The following ADAMTS18 variants were observed in gnomAD, a reference collection of about 807,000 sequenced individuals.
ADAMTS18 encodes A disintegrin and metalloproteinase with thrombospondin motifs 18.
A neutral mutation model predicts 165.9 loss-of-function variants in ADAMTS18; 157 were observed. The observed-to-expected ratio is 0.95, with a 90% CI of 0.83 to 1.08. ADAMTS18 has a LOEUF of 1.08. ADAMTS18 is among the 50% of genes least tolerant of loss of function. The pLI is 0.00. For missense variants in ADAMTS18, 2,040 were observed against 1,534.0 expected, an observed-to-expected ratio of 1.33 and a Z score of -5.51; for synonymous variants, 782 against 578.2, an observed-to-expected ratio of 1.35 and a Z score of -5.06.
intron 21 of ADAMTS18, 111 bp from the exon 22 acceptor site, chr16:77,289,522 C>G (rs1196627036): frequency 2.3e-6 from 3 of 1,318,088 alleles, no homozygotes; most frequent in Non-Finnish European, 2.1e-6. Context: ...GCTGATGAAA[C>G]AGATTGGCTG....
intron 3 of ADAMTS18, among the ~76,000 whole-genome samples, chr16:77,412,654 C>T (rs748412173): frequency 3.9e-5 from 6 of 152,184 alleles, no homozygotes; most frequent in East Asian, 3.9e-4. Flanking sequence ...GAAGGTGAAA[C>T]GCACGTCTTA....
At chr16:77,394,048 C>T (rs79774084) in intron 3 of ADAMTS18, among the ~76,000 whole-genome samples, 2,012 of 152,258 alleles carry the variant, frequency 0.013, 43 homozygotes, top group African/African-American at 0.046. Flanking sequence ...TGATTGATGA[C>T]GATTTTATTT....
chr16:77,282,165 T>C lies in ADAMTS18; in HGVS notation c.*1791A>G. 1.3e-5 allele frequency: 2 copies of C among 152,306 alleles called. No individual in the cohort carries two copies. The highest frequency in any genetic ancestry group is 3.9e-4 in the East Asian group (2 of 5,188). 9.4% of individuals were successfully genotyped at this position (152,306 alleles called of 1,614,324 possible). ...AAATGGAATACTTTATTATAAAACT[T>C]ATAAAATAATTAAATATTACACATA... On this transcript the variant is annotated 3_prime_UTR_variant, in exon 23 of 23. Transcript: ENST00000282849.
chr16:77,292,432 G>C (rs1385518268), intron 20 of ADAMTS18, among the ~76,000 whole-genome samples: 2 of 152,044 alleles, frequency 1.3e-5, no homozygotes, highest in African/African-American at 4.8e-5. Flanking sequence ...CTGTGTAGAG[G>C]CTGCACCCTC....
chr16:77,431,939 T>C (rs912401840), intron 2 of ADAMTS18, among the ~76,000 whole-genome samples: 3 of 152,248 alleles, frequency 2.0e-5, no homozygotes, highest in Non-Finnish European at 4.4e-5. Flanking sequence ...GGGCCTTTTA[T>C]AATATTGGCC....
In ADAMTS18 at chr16:77,293,066, T is replaced by A. The variant is rs1286943263; in HGVS notation, c.3189+10A>T. Reference sequence around the variant, plus strand: ...AATCTCCTGACCCAGCAGTGACTTCTAATCCATACCTCGCTCCACGAAGAA... The same window carrying A: ...AATCTCCTGACCCAGCAGTGACTTCAAATCCATACCTCGCTCCACGAAGAA... On this transcript the variant is annotated intron_variant, in intron 20 of 22. Transcript: ENST00000282849. 1.2e-6 allele frequency: 2 copies of A among 1,614,032 alleles called. No individual in the cohort carries two copies. The highest frequency in any genetic ancestry group is 2.2e-5 in the South Asian group (2 of 91,086).
At chr16:77,369,062 A>G (rs979372222) in intron 3 of ADAMTS18, among the ~76,000 whole-genome samples, 5 of 152,226 alleles carry the variant, frequency 3.3e-5, no homozygotes, top group African/African-American at 1.2e-4. Flanking sequence ...TCTGCAGACT[A>G]GTAGCTTCAG....
intron 3 of ADAMTS18, among the ~76,000 whole-genome samples, chr16:77,383,174 C>G (rs1366481647): frequency 6.6e-6 from 1 of 152,152 alleles, no homozygotes; most frequent in Non-Finnish European, 1.5e-5. Flanking sequence ...GGTCTCCTAT[C>G]TCCTCTCCCT....
At chr16:77,316,213 T>A (rs1357164269) in intron 16 of ADAMTS18, among the ~76,000 whole-genome samples, 1 of 152,138 alleles carries the variant, frequency 6.6e-6, no homozygotes. Context: ...TTCCCCAGTT[T>A]ACTTCTTGCC....
At chr16:77,334,789 A>AATATACTATATACTATAGTATACAGTAT (rs1158687417) in intron 12 of ADAMTS18, among the ~76,000 whole-genome samples, 708 of 23,922 alleles carry the variant, frequency 0.03, 10 homozygotes, top group African/African-American at 0.094. Context: ...GTATACAGTA[A>AATATACTATATACTATAGTATACAGTAT]ATATACTATA....
chr16:77,295,916 T>A (rs903151931), intron 18 of ADAMTS18, among the ~76,000 whole-genome samples: 2 of 151,994 alleles, frequency 1.3e-5, no homozygotes, highest in African/African-American at 4.8e-5. Flanking sequence ...CGATCTCAGC[T>A]CACTGCAACC....
At chr16:77,311,929 C>A (rs2055788862) in intron 16 of ADAMTS18, among the ~76,000 whole-genome samples, 1 of 152,154 alleles carries the variant, frequency 6.6e-6, no homozygotes, top group African/African-American at 2.4e-5. Flanking sequence ...CCTTATTCCA[C>A]TGTGGTGAAA....
chr16:77,374,392 G>A (rs2056920590), intron 3 of ADAMTS18, among the ~76,000 whole-genome samples: 1 of 152,062 alleles, frequency 6.6e-6, no homozygotes, highest in South Asian at 2.1e-4. Context: ...AGCATTCAGT[G>A]CAATACCTTA....
At chr16:77,295,567 T>C (rs17769766) in intron 18 of ADAMTS18, among the ~76,000 whole-genome samples, 16,418 of 152,196 alleles carry the variant, frequency 0.11, 1,220 homozygotes, top group Admixed American at 0.22. Flanking sequence ...AGTGCTGCAA[T>C]GGAAGTCAAC....
intron 3 of ADAMTS18, among the ~76,000 whole-genome samples, chr16:77,381,332 T>C (rs916407655): frequency 6.6e-6 from 1 of 152,134 alleles, no homozygotes; most frequent in African/African-American, 2.4e-5. Context: ...TGCTGGACTC[T>C]GAAGGTATGA....
intron 3 of ADAMTS18, among the ~76,000 whole-genome samples, chr16:77,406,281 A>C (rs780151170): frequency 6.6e-6 from 1 of 152,180 alleles, no homozygotes; most frequent in Non-Finnish European, 1.5e-5. Context: ...GATGCTGAAA[A>C]TATAATGTAT....
intron 3 of ADAMTS18, among the ~76,000 whole-genome samples, chr16:77,421,261 T>C (rs1019667668): frequency 2.6e-5 from 4 of 152,138 alleles, no homozygotes; most frequent in Non-Finnish European, 4.4e-5. Context: ...GACAGAACAC[T>C]CTCACCAGAC....
At chr16:77,434,325 G>A (rs2057770979) in intron 2 of ADAMTS18, 93 bp downstream of exon 2, 1 of 1,408,374 alleles carries the variant, frequency 7.1e-7, no homozygotes, top group Admixed American at 2.0e-5. Flanking sequence ...GCCAGGTTAG[G>A]GGGTGCGCTT....
chr16:77,386,628 T>C (rs2057111805), intron 3 of ADAMTS18, among the ~76,000 whole-genome samples: 1 of 152,168 alleles, frequency 6.6e-6, no homozygotes, highest in Non-Finnish European at 1.5e-5. Flanking sequence ...CCTATGAACA[T>C]TTGACTTTGT....
Sources: gnomAD v4.1 joint callset for allele counts (sites outside exome capture counted in the v4.1 genomes callset) on GRCh38, gnomAD v4.1.1 for gene constraint, MANE v1.5 for transcripts, NCBI Gene and HGNC (gene_info 2026-07-23, HGNC 2026-07-21) for gene names.